The following NTMT2 variants were observed in gnomAD, a reference collection of about 807,000 sequenced individuals.
The protein encoded by NTMT2 is N-terminal Xaa-Pro-Lys N-methyltransferase 2.
In NTMT2, 21 loss-of-function variants were observed where a neutral mutation model predicts 23.4. The observed-to-expected ratio is 0.90, with a 90% CI of 0.64 to 1.29. NTMT2 has a LOEUF of 1.29. NTMT2 is among the 50% of genes most tolerant of loss of function. The probability of loss-of-function intolerance (pLI) is 0.00; values close to 1 mark genes in which losing one functional copy is unlikely to be tolerated. For missense variants in NTMT2, 336 were observed against 352.0 expected (o/e 0.95, Z 0.36); for synonymous variants, 131 against 127.7 (o/e 1.03, Z -0.17).
At chr1:170,166,298 C>T (rs963800721) in intron 2 of NTMT2, among the ~76,000 whole-genome samples, 1 of 75,726 alleles carries the variant, frequency 1.3e-5, no homozygotes, top group African/African-American at 4.0e-5. Flanking sequence ...CACCATCACG[C>T]CCGGCTAATT....
At chr1:170,156,402 A>G (rs1364480339) in intron 1 of NTMT2, among the ~76,000 whole-genome samples, 1 of 152,174 alleles carries the variant, frequency 6.6e-6, no homozygotes, top group Non-Finnish European at 1.5e-5. Flanking sequence ...TAGAAATTTC[A>G]TCTTTATTCT....
In NTMT2 at chr1:170,168,755, G is replaced by T. The variant is rs1673447168; in HGVS notation, c.*998G>T. ...TGCAGCTGCTCCTGGGGTCTTGATT[G>T]ATATGAATGTATATTGGAAAGAGAA... On this transcript the variant is annotated 3_prime_UTR_variant, in exon 4 of 4. Coordinates refer to ENST00000439373, the MANE Select transcript of NTMT2 (RefSeq NM_001136107.2). Among the ~76,000 whole-genome samples, 1 of 152,196 alleles carries T rather than the reference G, an allele frequency of 6.6e-6. No individual in the cohort carries two copies. The highest frequency in any genetic ancestry group is 1.5e-5 in the Non-Finnish European group (1 of 68,044).
At chr1:170,155,488 G>T (rs1673148190) in intron 1 of NTMT2, among the ~76,000 whole-genome samples, 1 of 151,060 alleles carries the variant, frequency 6.6e-6, no homozygotes, top group East Asian at 1.9e-4. Context: ...CTCTTTTATG[G>T]AAGGTCTTAC....
chr1:170,166,450 A>G, intron 2 of NTMT2, 52 bp from the exon 3 acceptor site: 1 of 1,546,896 alleles, frequency 6.5e-7, no homozygotes, highest in South Asian at 1.2e-5. Flanking sequence ...CTGGGTGTGC[A>G]ATTTTCAAGG....
At chr1:170,161,909 G>A (rs1371015475) in intron 2 of NTMT2, among the ~76,000 whole-genome samples, 5 of 152,118 alleles carry the variant, frequency 3.3e-5, no homozygotes, top group Non-Finnish European at 7.3e-5. Context: ...GGCCAATATG[G>A]TGAAACCCTG....
intron 1 of NTMT2, among the ~76,000 whole-genome samples, chr1:170,153,318 T>C (rs750868302): frequency 9.9e-5 from 15 of 152,228 alleles, no homozygotes; most frequent in Admixed American, 1.3e-4. Context: ...AAGCATCTGA[T>C]ACTTGAAAAT....
chr1:170,161,255 C>T (rs980980673), intron 2 of NTMT2, among the ~76,000 whole-genome samples: 10 of 150,020 alleles, frequency 6.7e-5, no homozygotes, highest in Non-Finnish European at 1.0e-4. Flanking sequence ...GCCGAGATCA[C>T]GCCACTGCAC....
chr1:170,160,491 T>C, intron 1 of NTMT2, 27 bp from the exon 2 acceptor site: 1 of 1,471,192 alleles, frequency 6.8e-7, no homozygotes, highest in Non-Finnish European at 9.0e-7. Flanking sequence ...TAAATATTAA[T>C]ACCTATTAAT....
At chr1:170,164,173 A>T (rs1395740174) in intron 2 of NTMT2, among the ~76,000 whole-genome samples, 1 of 151,206 alleles carries the variant, frequency 6.6e-6, no homozygotes, top group Non-Finnish European at 1.5e-5. Context: ...CACACATCGC[A>T]TGTAGTTCTA....
chr1:170,163,362 G>A (rs567587157), intron 2 of NTMT2, among the ~76,000 whole-genome samples: 11 of 152,272 alleles, frequency 7.2e-5, no homozygotes, highest in African/African-American at 2.4e-4. Flanking sequence ...TGTCAACTGC[G>A]AAAAGAAGAT....
In NTMT2 at chr1:170,166,619, T is replaced by C. The variant is rs6427235; in HGVS notation, c.448T>C (p.Ser150Pro). 0.3 allele frequency: 459,698 copies of C among 1,550,734 alleles called. 70,869 individuals carry two copies. The highest frequency in any genetic ancestry group is 0.48 in the African/African-American group (34,576 of 72,748). The change falls in exon 3 of 4, where the codon TCC becomes CCC. Residue 150 changes from serine to proline, a missense_variant. Physicochemically the swap from Ser to Pro is moderately conservative, Grantham distance 74 (BLOSUM62 -1). Transcript: ENST00000439373. ...TGTGGAGCTGGTGGATATGATGGAA[T>C]CCTTTCTCCTTGAAGCCCAGAACTA... The part of the protein sequence containing the change: ...NSVELVDMME[S>P]FLLEAQNYLQ...
chr1:170,147,685 G>C (rs1180932778), intron 1 of NTMT2, among the ~76,000 whole-genome samples: 1 of 152,144 alleles, frequency 6.6e-6, no homozygotes, highest in Non-Finnish European at 1.5e-5. Flanking sequence ...TATTAGACTG[G>C]AGAAAGATAT....
chr1:170,165,697 G>A (rs1017711214), intron 2 of NTMT2, among the ~76,000 whole-genome samples: 3 of 152,160 alleles, frequency 2.0e-5, no homozygotes, highest in Non-Finnish European at 2.9e-5. Flanking sequence ...AACTCAGAAA[G>A]GTTCTCACTG....
chr1:170,167,715 C>T lies in NTMT2; in HGVS notation c.810C>T (p.Ile270=). The change falls in exon 4 of 4, where the codon ATC becomes ATT. Residue 270 remains isoleucine (I), a synonymous_variant. Coordinates refer to ENST00000439373, the MANE Select transcript of NTMT2 (RefSeq NM_001136107.2). ...AGGATGGCTTCCCAGAGCAGTGCAT[C>T]CCCGTGTGGATGTTCGCACTGCACA... is the stretch of plus-strand genomic sequence containing the variant. The part of the protein sequence containing the change: ...EKQDGFPEQC[I]PVWMFALHSD... 1.3e-6 allele frequency: 2 copies of T among 1,551,086 alleles called. No individual in the cohort carries two copies. The highest frequency in any genetic ancestry group is 1.4e-5 in the African/African-American group (1 of 72,988).
In NTMT2 at chr1:170,146,236, C is replaced by A; in HGVS notation, c.129C>A (p.Leu43=). Residue 43 remains leucine, a synonymous_variant, in exon 1 of 4, where the codon CTC becomes CTA. Coordinates refer to ENST00000439373, the MANE Select transcript of NTMT2 (RefSeq NM_001136107.2). ...AIRNDFFQSY[L]YLLEKIPLVK... is the part of the protein sequence containing the mutation. ...GCAATGACTTCTTTCAGAGCTATCT[C>A]TACCTGCTGGAAAAAATTCCCCTGG... 1.3e-6 allele frequency: 2 copies of A among 1,550,430 alleles called. No homozygotes were observed. The highest frequency in any genetic ancestry group is 2.4e-5 in the South Asian group (2 of 83,950).
At chr1:170,164,241 G>T (rs1486646293) in intron 2 of NTMT2, among the ~76,000 whole-genome samples, 1 of 152,100 alleles carries the variant, frequency 6.6e-6, no homozygotes, top group Non-Finnish European at 1.5e-5. Context: ...GGCAGCCATG[G>T]TGTCCAATAA....
chr1:170,154,042 C>A (rs79176917), intron 1 of NTMT2, among the ~76,000 whole-genome samples: 1 of 152,172 alleles, frequency 6.6e-6, no homozygotes, highest in East Asian at 1.9e-4. Context: ...TTCTCCATAT[C>A]CCACTCCAGC....
chr1:170,152,159 A>C (rs1181368303), intron 1 of NTMT2, among the ~76,000 whole-genome samples: 2 of 152,258 alleles, frequency 1.3e-5, no homozygotes, highest in Non-Finnish European at 2.9e-5. Context: ...ATTACAAAAA[A>C]ATAAAATATA....
chr1:170,150,514 T>C (rs901300866), intron 1 of NTMT2, among the ~76,000 whole-genome samples: 2 of 152,226 alleles, frequency 1.3e-5, no homozygotes, highest in African/African-American at 2.4e-5. Flanking sequence ...AAAGATCTTG[T>C]GGTGGTGAGT....
Sources: allele counts gnomAD v4.1 joint callset (sites outside exome capture counted in the v4.1 genomes callset), GRCh38; gene constraint gnomAD v4.1.1; transcripts MANE v1.5; gene names NCBI Gene and HGNC (gene_info 2026-07-23, HGNC 2026-07-21).